The following CELSR1 variants were observed in gnomAD, a reference collection of about 807,000 sequenced individuals.
CELSR1 encodes cadherin EGF LAG seven-pass G-type receptor 1.
In CELSR1, 110 loss-of-function variants were observed where a neutral mutation model predicts 249.1. The observed-to-expected ratio is 0.44, with a 90% CI of 0.38 to 0.52. The LOEUF (loss-of-function observed/expected upper bound fraction) is 0.52. CELSR1 is among the 20% of genes least tolerant of loss of function. The pLI is 0.00. For synonymous variants in CELSR1, 2,113 were observed against 1,900.0 expected, an observed-to-expected ratio of 1.11 and a Z score of -2.92; for missense variants, 4,109 against 4,296.4, an observed-to-expected ratio of 0.96 and a Z score of 1.22.
intron 1 of CELSR1, among the ~76,000 whole-genome samples, chr22:46,494,759 G>A (rs959469797): frequency 1.2e-4 from 18 of 152,024 alleles, no homozygotes; most frequent in Admixed American, 7.2e-4. Context: ...CGCCCGCCTC[G>A]GTCTCCCAAA....
At chr22:46,531,842 T>A (rs2080795199) in intron 1 of CELSR1, among the ~76,000 whole-genome samples, 1 of 152,168 alleles carries the variant, frequency 6.6e-6, no homozygotes, top group South Asian at 2.1e-4. Flanking sequence ...CGGGTGTGTG[T>A]TGGGGCGGTG....
rs943286176 is a variant in CELSR1 at position 46,488,407 on chromosome 22, T to C, written c.3545-24062A>G. ...TCCCTGCTCGCCTACAGCCGGCGAG[T>C]GCAGCACAGGAGGCCACCGTAGTGC... On this transcript the variant is annotated intron_variant, in intron 1 of 34. Coordinates refer to ENST00000674500, the MANE Select transcript of CELSR1 (RefSeq NM_001378328.1). This position sits in a 1 kb window ranked among gnomAD's most constrained non-coding sequence, Gnocchi z 4.7. Among the ~76,000 whole-genome samples the C allele has an allele frequency of 3.9e-5, 6 of 151,926 alleles. No individual in the cohort carries two copies. The highest frequency in any genetic ancestry group is 1.5e-4 in the African/African-American group (6 of 41,344).
In CELSR1 at chr22:46,439,096, A is replaced by T. The variant is rs967369181; in HGVS notation, c.4406+93T>A. 4.1e-6 allele frequency: 5 copies of T among 1,224,276 alleles called. No homozygotes were observed. The African/African-American group carries it at 7.5e-5, about 18-fold the overall frequency. 75.8% of individuals were successfully genotyped at this position (1,224,276 alleles called of 1,614,324 possible). A position where few individuals can be genotyped will look rare whatever the true frequency, so the allele number is the denominator to read the frequency against. Reference sequence around the variant, plus strand: ...CTATCAAAGGCCACACACGGAGGACATCAACGTCACGATCTAGAGGGATGG... The same window carrying T: ...CTATCAAAGGCCACACACGGAGGACTTCAACGTCACGATCTAGAGGGATGG... On this transcript the variant is annotated intron_variant, in intron 3 of 34. Coordinates refer to ENST00000674500, the MANE Select transcript of CELSR1 (RefSeq NM_001378328.1).
In CELSR1 at chr22:46,427,881, A is replaced by G. The variant is rs1352579569; in HGVS notation, c.4611+5512T>C. Among the ~76,000 whole-genome samples the G allele has an allele frequency of 2.0e-5, 3 of 152,148 alleles. No individual in the cohort carries two copies. Among genetic ancestry groups the G allele is most frequent in the Non-Finnish European group, 4.4e-5 (3 of 68,012 alleles). On this transcript the variant is annotated intron_variant, in intron 5 of 34. Coordinates refer to ENST00000674500, the MANE Select transcript of CELSR1 (RefSeq NM_001378328.1). This position sits in a 1 kb window ranked among gnomAD's most constrained non-coding sequence, Gnocchi z 4.2. The stretch of plus-strand genomic sequence containing the variant: ...CATCAAAAAACCTCACCCTGACCCA[A>G]GTGTCTGGGTGGAAGTCCTCGAGTT...
At chr22:46,482,085 T>C (rs2080272055) in intron 1 of CELSR1, among the ~76,000 whole-genome samples, 1 of 152,338 alleles carries the variant, frequency 6.6e-6, no homozygotes, top group East Asian at 1.9e-4. Flanking sequence ...CTTTTATAAA[T>C]CTTGGCCATG....
intron 1 of CELSR1, among the ~76,000 whole-genome samples, chr22:46,485,147 C>T (rs1362005518): frequency 6.6e-6 from 1 of 152,032 alleles, no homozygotes; most frequent in Non-Finnish European, 1.5e-5. Flanking sequence ...TGTTAGCATC[C>T]TTGCTTTTGT....
At position 46,488,842 on chromosome 22, in the gene CELSR1, G is replaced by A. The variant is rs2080341221; in HGVS notation, c.3545-24497C>T. Among the ~76,000 whole-genome samples the A allele has an allele frequency of 6.6e-6, 1 of 152,088 alleles. No individual in the cohort carries two copies. Among genetic ancestry groups the A allele is most frequent in the Admixed American group, 6.5e-5 (1 of 15,270 alleles). ...GCCCAGCTAATTTTTTGTATTTTTA[G>A]TAGAGACGGGGTTTCACCGTGTTAG... On this transcript the variant is annotated intron_variant, in intron 1 of 34. Transcript: ENST00000674500. The surrounding 1 kb of genome is among the most constrained non-coding windows in gnomAD (Gnocchi z 4.7).
In CELSR1 at chr22:46,430,399, G is replaced by A. The variant is rs1184126150; in HGVS notation, c.4611+2994C>T. On this transcript the variant is annotated intron_variant, in intron 5 of 34. Coordinates refer to ENST00000674500, the MANE Select transcript of CELSR1 (RefSeq NM_001378328.1). This position sits in a 1 kb window ranked among gnomAD's most constrained non-coding sequence, Gnocchi z 4.6. The stretch of plus-strand genomic sequence containing the variant: ...GCTGGGCGGGGCAGGGGGGATGACC[G>A]TCTGCATCAGCCAAGGCAGGCAGGG... 6.6e-6 allele frequency among the ~76,000 whole-genome samples: 1 copy of A among 152,144 alleles called. No homozygotes were observed. The highest frequency in any genetic ancestry group is 1.5e-5 in the Non-Finnish European group (1 of 68,006).
rs992489315 is a variant in CELSR1, at chr22:46,433,896, T to C, written c.4523-415A>G. On this transcript the variant is annotated intron_variant, in intron 4 of 34. Coordinates refer to ENST00000674500, the MANE Select transcript of CELSR1 (RefSeq NM_001378328.1). The surrounding 1 kb of genome is among the most constrained non-coding windows in gnomAD (Gnocchi z 5.7). ...GATGGGGTTTCACCATGTTGGCTAG[T>C]CTAGTCTCGAACTCCTGACCTCGTG... 1.3e-5 allele frequency among the ~76,000 whole-genome samples: 2 copies of C among 152,086 alleles called. No individual in the cohort carries two copies. The highest frequency in any genetic ancestry group is 1.3e-4 in the Admixed American group (2 of 15,260).
intron 1 of CELSR1, among the ~76,000 whole-genome samples, chr22:46,467,101 G>T (rs933600976): frequency 6.6e-6 from 1 of 152,194 alleles, no homozygotes; most frequent in Admixed American, 6.5e-5. Flanking sequence ...AGCCCTAGCA[G>T]ACTGACATAT....
intron 5 of CELSR1, among the ~76,000 whole-genome samples, chr22:46,418,472 A>C (rs975541365): frequency 2.6e-5 from 4 of 151,898 alleles, no homozygotes; most frequent in Non-Finnish European, 5.9e-5. Flanking sequence ...GCGACAGAGC[A>C]AGATTCCGCC....
chr22:46,491,093 C>T (rs942001204), intron 1 of CELSR1, among the ~76,000 whole-genome samples: 6 of 152,034 alleles, frequency 3.9e-5, no homozygotes, highest in Non-Finnish European at 8.8e-5. Flanking sequence ...GGCCCTTGGA[C>T]ATGGCCAGGA....
intron 9 of CELSR1, among the ~76,000 whole-genome samples, chr22:46,405,909 C>A (rs576633461): frequency 2.0e-5 from 3 of 152,158 alleles, no homozygotes; most frequent in African/African-American, 7.2e-5. Context: ...CCGGCCTCTG[C>A]GAGCTGCCCT....
In CELSR1 at chr22:46,509,916, C is replaced by T. The variant is rs927172277; in HGVS notation, c.3544+23711G>A. On this transcript the variant is annotated intron_variant, in intron 1 of 34. Coordinates refer to ENST00000674500, the MANE Select transcript of CELSR1 (RefSeq NM_001378328.1). The stretch of plus-strand genomic sequence containing the variant: ...TGCGTCCAGTGAGGAACGAAAGACA[C>T]GAAGTGCCCCGCTGCCCGGCTCCAC... Among the ~76,000 whole-genome samples, 7 of 152,330 alleles carry T rather than the reference C, an allele frequency of 4.6e-5. No homozygotes were observed. The East Asian group carries it at 7.7e-4, about 17-fold the overall frequency.
chr22:46,434,072 C>A lies in CELSR1; in HGVS notation c.4523-591G>T, dbSNP rs2079629245. Among the ~76,000 whole-genome samples, 1 of 152,236 alleles carries A rather than the reference C, an allele frequency of 6.6e-6. No homozygotes were observed. The highest frequency in any genetic ancestry group is 6.5e-5 in the Admixed American group (1 of 15,286). On this transcript the variant is annotated intron_variant, in intron 4 of 34. Coordinates refer to ENST00000674500, the MANE Select transcript of CELSR1 (RefSeq NM_001378328.1). The surrounding 1 kb of genome is among the most constrained non-coding windows in gnomAD (Gnocchi z 4.9). ...GTCACACCTACACCGCACCAGAGGT[C>A]GAACCCTTTTTCCTATGCATTGCAT...
rs1191265727 is a variant in CELSR1 at position 46,535,269 on chromosome 22, G to A, written c.1902C>T (p.Asn634=). The A allele has an allele frequency of 1.2e-6, 2 of 1,610,606 alleles. No homozygotes were observed. The highest frequency in any genetic ancestry group is 1.7e-5 in the Admixed American group (1 of 60,022). Residue 634 remains asparagine, a synonymous_variant, in exon 1 of 35, where the codon AAC becomes AAT. Transcript: ENST00000674500. ...CACACACTGTGATCCAACCGGAGCTGTTGTGGATCTGGAAGGGGAAGTCAG... is the reference window on the plus strand; with the variant it reads ...CACACACTGTGATCCAACCGGAGCTATTGTGGATCTGGAAGGGGAAGTCAG... ...PTPDFPFQIH[N]SSGWITVCAE... is the part of the protein sequence containing the mutation.
intron 1 of CELSR1, among the ~76,000 whole-genome samples, chr22:46,481,095 C>G (rs373939565): frequency 4.3e-4 from 65 of 152,140 alleles, no homozygotes; most frequent in African/African-American, 1.5e-3. Flanking sequence ...ATTACTTGGG[C>G]ATGGTGGTGC....
At position 46,434,572 on chromosome 22, in the gene CELSR1, C is replaced by G. The variant is rs922164534; in HGVS notation, c.4523-1091G>C. Among the ~76,000 whole-genome samples, 2 of 152,216 alleles carry G rather than the reference C, an allele frequency of 1.3e-5. No individual in the cohort carries two copies. Among genetic ancestry groups the G allele is most frequent in the African/African-American group, 4.8e-5 (2 of 41,450 alleles). On this transcript the variant is annotated intron_variant, in intron 4 of 34. Coordinates refer to ENST00000674500, the MANE Select transcript of CELSR1 (RefSeq NM_001378328.1). The surrounding 1 kb of genome is among the most constrained non-coding windows in gnomAD (Gnocchi z 4.9). Reference sequence around the variant, plus strand: ...CCCTTTCTTTATTGAGTATAGAAAACAAAGCTCCATCCTCCACCATCACAC... The same window carrying G: ...CCCTTTCTTTATTGAGTATAGAAAAGAAAGCTCCATCCTCCACCATCACAC...
At chr22:46,470,291 A>C (rs2080143134) in intron 1 of CELSR1, among the ~76,000 whole-genome samples, 1 of 151,800 alleles carries the variant, frequency 6.6e-6, no homozygotes, top group Non-Finnish European at 1.5e-5. Flanking sequence ...TACTTGAAAA[A>C]TTGATTAATG....
Sources: allele counts gnomAD v4.1 joint callset (sites outside exome capture counted in the v4.1 genomes callset), GRCh38; gene constraint gnomAD v4.1.1; non-coding constraint Gnocchi (gnomAD v3.1); transcripts MANE v1.5; gene names NCBI Gene and HGNC (gene_info 2026-07-23, HGNC 2026-07-21).